Variants in KSR2 observed in about 807,000 individuals in gnomAD.
KSR2 encodes kinase suppressor of ras 2.
In KSR2, 25 loss-of-function variants were observed where a neutral mutation model predicts 107.8. The ratio of observed to expected loss-of-function variants is 0.23; its 90% CI spans 0.17 to 0.32. The LOEUF (loss-of-function observed/expected upper bound fraction) is 0.32. KSR2 is among the 10% of genes least tolerant of loss of function. KSR2 has a pLI of 1.00. For synonymous variants in KSR2, 480 were observed against 507.0 expected (o/e 0.95, Z 0.71); for missense variants, 887 against 1,268.9 (o/e 0.70, Z 4.57).
At position 117,906,514 on chromosome 12, in the gene KSR2, G is replaced by A. The variant is rs149569814; in HGVS notation, c.181-46083C>T. Among the ~76,000 whole-genome samples, 951 of 152,090 alleles carry A rather than the reference G, an allele frequency of 6.3e-3. 8 individuals carry two copies. The highest frequency in any genetic ancestry group is 0.021 in the African/African-American group (888 of 41,476). On this transcript the variant is annotated intron_variant, in intron 1 of 19. Transcript: ENST00000339824. The stretch of plus-strand genomic sequence containing the variant: ...CCAGCTACTTGGAAGGCTGAAGCAG[G>A]AGAATCACTTGAACTTGGGAGGCGG...
At position 117,770,697 on chromosome 12, in the gene KSR2, G is replaced by A. The variant is rs140777301; in HGVS notation, c.473-9173C>T. ...TTATTGACAGTTATCGGTCGGGCGC[G>A]GTGACTCACGCCTGTAATCCCAGCA... is the stretch of plus-strand genomic sequence containing the variant. On this transcript the variant is annotated intron_variant, in intron 3 of 19. Coordinates refer to ENST00000339824, the MANE Select transcript of KSR2 (RefSeq NM_173598.6). 6.8e-3 allele frequency among the ~76,000 whole-genome samples: 1,035 copies of A among 151,822 alleles called. 5 individuals are homozygous for A. Among genetic ancestry groups the A allele is most frequent in the African/African-American group, 0.013 (527 of 41,378 alleles).
At position 117,948,831 on chromosome 12, in the gene KSR2, C is replaced by T. The variant is rs148027891; in HGVS notation, c.180+19245G>A. Among the ~76,000 whole-genome samples, 399 of 152,260 alleles carry T rather than the reference C, an allele frequency of 2.6e-3. 1 individual carries two copies. The highest frequency in any genetic ancestry group is 9.1e-3 in the African/African-American group (378 of 41,558). ...GGCAAAGGCCAGGTGCAGTGGCTCA[C>T]GTCTGTAATCCCAGCACTTTGGGAG... On this transcript the variant is annotated intron_variant, in intron 1 of 19. Transcript: ENST00000339824.
At chr12:117,667,127 G>A (rs1445500189) in intron 5 of KSR2, among the ~76,000 whole-genome samples, 2 of 152,332 alleles carry the variant, frequency 1.3e-5, no homozygotes, top group South Asian at 2.1e-4. Flanking sequence ...AGACAGCCGG[G>A]AAGAGGGAGA....
intron 14 of KSR2, among the ~76,000 whole-genome samples, chr12:117,522,747 G>A (rs1874845530): frequency 1.3e-5 from 2 of 152,164 alleles, no homozygotes; most frequent in African/African-American, 2.4e-5. Flanking sequence ...ATGAGCCTGA[G>A]CTAGCCTGTT....
At chr12:117,482,788 T>G (rs778749986) in intron 16 of KSR2, among the ~76,000 whole-genome samples, 10 of 152,110 alleles carry the variant, frequency 6.6e-5, no homozygotes, top group Non-Finnish European at 1.5e-4. Context: ...CAAGCCACTG[T>G]TGAGGAGAAA....
At chr12:117,948,383 G>A (rs769402797) in intron 1 of KSR2, among the ~76,000 whole-genome samples, 22 of 152,008 alleles carry the variant, frequency 1.4e-4, no homozygotes, top group Non-Finnish European at 2.1e-4. Context: ...CCAGCTACTC[G>A]GGAGGCTGAG....
chr12:117,800,063 A>T (rs1890773191), intron 3 of KSR2, among the ~76,000 whole-genome samples: 1 of 152,204 alleles, frequency 6.6e-6, no homozygotes, highest in Non-Finnish European at 1.5e-5. Context: ...ACATCTTCCA[A>T]GGTTGGGTAC....
chr12:117,525,328 A>G lies in KSR2; in HGVS notation c.1852-109T>C, dbSNP rs1875052856. 3 of 1,245,992 alleles carry G rather than the reference A, an allele frequency of 2.4e-6. No homozygotes were observed. The Admixed American group carries it at 8.6e-5, about 36-fold the overall frequency. 77.2% of individuals were successfully genotyped at this position (1,245,992 alleles called of 1,614,324 possible). On this transcript the variant is annotated intron_variant, in intron 13 of 19. Transcript: ENST00000339824. ...TGCGTAGGTCTGGGCACATCTCTACATGCATTTGGAGCTTGTGCAGACATA... is the reference window on the plus strand; with the variant it reads ...TGCGTAGGTCTGGGCACATCTCTACGTGCATTTGGAGCTTGTGCAGACATA...
At chr12:117,732,104 C>G (rs4304868) in intron 4 of KSR2, among the ~76,000 whole-genome samples, 2 of 151,734 alleles carry the variant, frequency 1.3e-5, no homozygotes, top group South Asian at 4.2e-4. Flanking sequence ...CCACAGTTCT[C>G]TCTCTACCCC....
chr12:117,850,653 C>T (rs761021765), intron 3 of KSR2, among the ~76,000 whole-genome samples: 2 of 151,906 alleles, frequency 1.3e-5, no homozygotes, highest in Non-Finnish European at 2.9e-5. Context: ...ACAAAAAATA[C>T]AGAAAAGTTT....
chr12:117,500,331 T>C lies in KSR2; in HGVS notation c.2220-14640A>G, dbSNP rs144790700. Among the ~76,000 whole-genome samples the C allele has an allele frequency of 3.9e-5, 6 of 152,268 alleles. No homozygotes were observed. The East Asian group carries it at 1.2e-3, about 29-fold the overall frequency. On this transcript the variant is annotated intron_variant, in intron 14 of 19. Coordinates refer to ENST00000339824, the MANE Select transcript of KSR2 (RefSeq NM_173598.6). ...TGTCTGAAGCTAAACCCAATGCTTG[T>C]AGACACAGAGCTATGCTGCCTTCTC... is the stretch of plus-strand genomic sequence containing the variant.
intron 3 of KSR2, among the ~76,000 whole-genome samples, chr12:117,777,684 C>A (rs570319375): frequency 6.6e-6 from 1 of 152,154 alleles, no homozygotes; most frequent in Non-Finnish European, 1.5e-5. Flanking sequence ...GAAGGCAGAG[C>A]CCTGGACTCA....
chr12:117,554,992 C>T (rs569582324), intron 9 of KSR2, among the ~76,000 whole-genome samples, 177 bp downstream of exon 9: 1 of 152,286 alleles, frequency 6.6e-6, no homozygotes, highest in South Asian at 2.1e-4. Flanking sequence ...ACACAAATCT[C>T]TCCACTGATC....
At chr12:117,910,407 G>A (rs189619253) in intron 1 of KSR2, among the ~76,000 whole-genome samples, 1 of 152,230 alleles carries the variant, frequency 6.6e-6, no homozygotes, top group Non-Finnish European at 1.5e-5. Context: ...TTCCAATCAG[G>A]TATGAAAAGT....
intron 3 of KSR2, among the ~76,000 whole-genome samples, chr12:117,789,266 A>G (rs1461509971): frequency 6.6e-6 from 1 of 152,208 alleles, no homozygotes; most frequent in South Asian, 2.1e-4. Flanking sequence ...CTGATCCTTA[A>G]TGAAGTAGAT....
intron 4 of KSR2, among the ~76,000 whole-genome samples, chr12:117,727,163 C>A (rs978174535): frequency 3.3e-5 from 5 of 151,658 alleles, no homozygotes; most frequent in Admixed American, 6.6e-5. Context: ...ACTGCTTGAG[C>A]CAAGGAGTTT....
chr12:117,624,867 T>C lies in KSR2; in HGVS notation c.1172-42508A>G, dbSNP rs560991944. Among the ~76,000 whole-genome samples, 9 of 152,336 alleles carry C rather than the reference T, an allele frequency of 5.9e-5. No individual in the cohort carries two copies. In the South Asian group the frequency reaches 1.9e-3, roughly 32 times the overall value. ...AATATTCTTCCATTTGTTTGTGTCA[T>C]CTTTTATTTCACTGAGCAGTGGTTT... On this transcript the variant is annotated intron_variant, in intron 5 of 19. Coordinates refer to ENST00000339824, the MANE Select transcript of KSR2 (RefSeq NM_173598.6).
intron 3 of KSR2, among the ~76,000 whole-genome samples, chr12:117,778,807 GCTC>G (rs1211004006): frequency 1.3e-5 from 2 of 152,198 alleles, no homozygotes; most frequent in Non-Finnish European, 2.9e-5. Flanking sequence ...CCTCTGAGAC[GCTC>G]CTAATTCCAG....
chr12:117,840,179 C>G (rs1002055699), intron 3 of KSR2, among the ~76,000 whole-genome samples: 1 of 151,536 alleles, frequency 6.6e-6, no homozygotes, highest in South Asian at 2.1e-4. Context: ...CTGTCTGCAG[C>G]GTCCGCCTCC....
Sources: allele counts gnomAD v4.1 joint callset (sites outside exome capture counted in the v4.1 genomes callset), GRCh38; gene constraint gnomAD v4.1.1; transcripts MANE v1.5; gene names NCBI Gene and HGNC (gene_info 2026-07-23, HGNC 2026-07-21).